The following NKAIN2 variants were observed in gnomAD, a reference collection of about 807,000 sequenced individuals.
NKAIN2 encodes the protein sodium/potassium-transporting ATPase subunit beta-1-interacting protein 2.
In NKAIN2, 14 loss-of-function variants were observed where a neutral mutation model predicts 32.6. That is an observed-to-expected ratio of 0.43 (90% CI 0.28 to 0.67). The LOEUF (loss-of-function observed/expected upper bound fraction) is 0.67. Ranked by LOEUF, NKAIN2 falls within the 30% of genes least tolerant of loss-of-function variation. The pLI is 0.17. For missense variants in NKAIN2, 198 were observed against 258.3 expected (o/e 0.77, Z 1.60); for synonymous variants, 80 against 87.2 (o/e 0.92, Z 0.46).
intron 1 of NKAIN2, among the ~76,000 whole-genome samples, chr6:123,976,376 T>TATATATATGTTCCC: frequency 4.1e-5 from 1 of 24,518 alleles, no homozygotes; most frequent in African/African-American, 1.6e-4. Context: ...TATTCCCATA[T>TATATATATGTTCCC]ATATATATAT....
chr6:124,787,004 C>T (rs1237347726), intron 4 of NKAIN2, among the ~76,000 whole-genome samples: 1 of 152,104 alleles, frequency 6.6e-6, no homozygotes, highest in African/African-American at 2.4e-5. Flanking sequence ...AGTCTAAACT[C>T]CACTTGGAAG....
chr6:123,872,206 A>C (rs892679659), intron 1 of NKAIN2, among the ~76,000 whole-genome samples: 3 of 152,228 alleles, frequency 2.0e-5, no homozygotes, highest in African/African-American at 7.2e-5. Context: ...AAAGCAATTT[A>C]TTAGGAAGTG....
intron 1 of NKAIN2, among the ~76,000 whole-genome samples, chr6:123,911,801 G>GTA (rs200270867): frequency 0.015 from 861 of 58,270 alleles, 74 homozygotes; most frequent in South Asian, 0.073. Flanking sequence ...ATATATATAT[G>GTA]TATATATATA....
chr6:124,153,268 T>C (rs1295607774), intron 1 of NKAIN2, among the ~76,000 whole-genome samples: 1 of 151,820 alleles, frequency 6.6e-6, no homozygotes, highest in Non-Finnish European at 1.5e-5. Context: ...CCAGAATGCA[T>C]CAACTATCAT....
At chr6:124,772,512 T>A (rs1431904056) in intron 4 of NKAIN2, among the ~76,000 whole-genome samples, 1 of 152,214 alleles carries the variant, frequency 6.6e-6, no homozygotes, top group Admixed American at 6.5e-5. Context: ...ATATGTGGAT[T>A]TGGGGAATCT....
chr6:124,086,947 C>T (rs1000360976), intron 1 of NKAIN2, among the ~76,000 whole-genome samples: 8 of 151,578 alleles, frequency 5.3e-5, no homozygotes, highest in Admixed American at 1.3e-4. Flanking sequence ...ATCTTAAAAC[C>T]AAAACCAGAC....
chr6:123,907,374 A>G lies in NKAIN2; in HGVS notation c.54+103120A>G, dbSNP rs535625417. On this transcript the variant is annotated intron_variant, in intron 1 of 6. Coordinates refer to ENST00000368417, the MANE Select transcript of NKAIN2 (RefSeq NM_001040214.3). ...TTTAGATCTAACATTTGATAGCTAT[A>G]ATAGACTTATCATAATATCATAAAA... is the stretch of plus-strand genomic sequence containing the variant. 1.3e-3 allele frequency among the ~76,000 whole-genome samples: 196 copies of G among 152,304 alleles called. 1 individual carries two copies. Among genetic ancestry groups the G allele is most frequent in the Non-Finnish European group, 2.4e-3 (164 of 68,020 alleles).
intron 3 of NKAIN2, among the ~76,000 whole-genome samples, chr6:124,462,413 A>G (rs1461088005): frequency 6.6e-6 from 1 of 152,002 alleles, no homozygotes; most frequent in Non-Finnish European, 1.5e-5. Context: ...GCCTATGCAT[A>G]TTTGAGAATA....
At chr6:124,290,477 T>G (rs1300834525) in intron 2 of NKAIN2, among the ~76,000 whole-genome samples, 1 of 151,534 alleles carries the variant, frequency 6.6e-6, no homozygotes, top group Admixed American at 6.6e-5. Context: ...CTGTTCCTCA[T>G]CTCTTTATAG....
At chr6:123,860,921 G>A (rs11154192) in intron 1 of NKAIN2, among the ~76,000 whole-genome samples, 38,582 of 152,022 alleles carry the variant, frequency 0.25, 5,895 homozygotes, top group Middle Eastern at 0.38. Context: ...CAGAATGCCC[G>A]CAGTATGCCA....
At chr6:124,783,396 T>A (rs1779359475) in intron 4 of NKAIN2, among the ~76,000 whole-genome samples, 1 of 152,210 alleles carries the variant, frequency 6.6e-6, no homozygotes, top group South Asian at 2.1e-4. Context: ...TTATTTAATC[T>A]TTTAAAAAGT....
intron 1 of NKAIN2, among the ~76,000 whole-genome samples, chr6:124,168,649 G>T (rs1156667586): frequency 6.6e-6 from 1 of 152,036 alleles, no homozygotes; most frequent in South Asian, 2.1e-4. Flanking sequence ...TTGCCTGTGT[G>T]TTGGCCAGTT....
chr6:124,201,092 C>T (rs941794268), intron 1 of NKAIN2, among the ~76,000 whole-genome samples: 1 of 151,986 alleles, frequency 6.6e-6, no homozygotes. Context: ...CTAATGTATA[C>T]ATCTACATAA....
At chr6:124,019,657 G>A (rs1780772480) in intron 1 of NKAIN2, among the ~76,000 whole-genome samples, 1 of 151,972 alleles carries the variant, frequency 6.6e-6, no homozygotes, top group African/African-American at 2.4e-5. Flanking sequence ...TTCTAGAAAG[G>A]ATAAATATTT....
intron 1 of NKAIN2, among the ~76,000 whole-genome samples, chr6:124,080,246 A>G (rs1321499827): frequency 6.6e-6 from 1 of 152,050 alleles, no homozygotes; most frequent in East Asian, 1.9e-4. Flanking sequence ...GATACAGTAC[A>G]ATTTGCCAGA....
intron 3 of NKAIN2, among the ~76,000 whole-genome samples, chr6:124,440,003 G>A (rs1775624429): frequency 6.6e-6 from 1 of 152,052 alleles, no homozygotes; most frequent in South Asian, 2.1e-4. Flanking sequence ...AGAGAACTAT[G>A]TCTGAGATGA....
chr6:123,947,498 A>G (rs570837263), intron 1 of NKAIN2, among the ~76,000 whole-genome samples: 9 of 152,296 alleles, frequency 5.9e-5, no homozygotes, highest in Non-Finnish European at 7.3e-5. Flanking sequence ...CCTGTGTTGC[A>G]GAAAGCTTTG....
chr6:124,194,065 C>T (rs1790176676), intron 1 of NKAIN2, among the ~76,000 whole-genome samples: 1 of 152,008 alleles, frequency 6.6e-6, no homozygotes, highest in Non-Finnish European at 1.5e-5. Flanking sequence ...TTATGGGTCT[C>T]AGTGGGGAGG....
intron 1 of NKAIN2, among the ~76,000 whole-genome samples, chr6:123,894,950 G>T (rs1774201000): frequency 6.6e-6 from 1 of 152,074 alleles, no homozygotes; most frequent in African/African-American, 2.4e-5. Flanking sequence ...GGAAAAAGAT[G>T]TATTTTAAAG....
Sources: gnomAD v4.1 joint callset for allele counts (sites outside exome capture counted in the v4.1 genomes callset) on GRCh38, gnomAD v4.1.1 for gene constraint, MANE v1.5 for transcripts, NCBI Gene and HGNC (gene_info 2026-07-23, HGNC 2026-07-21) for gene names.